The following LTBP1 variants were observed in gnomAD, a reference collection of about 807,000 sequenced individuals.
The protein encoded by LTBP1 is latent-transforming growth factor beta-binding protein 1.
Under a neutral mutation model 207.6 loss-of-function variants are expected in LTBP1, and 129 were observed. That is an observed-to-expected ratio of 0.62 (90% CI 0.54 to 0.72). LTBP1 has a LOEUF of 0.72. Among genes scored for constraint, LTBP1 ranks in the 30% least tolerant of loss-of-function variants. The probability of loss-of-function intolerance (pLI) is 0.00; values close to 1 mark genes in which losing one functional copy is unlikely to be tolerated. For missense variants in LTBP1, 2,281 were observed against 2,217.2 expected (o/e 1.03, Z -0.58); for synonymous variants, 963 against 833.7 (o/e 1.16, Z -2.67).
intron 20 of LTBP1, among the ~76,000 whole-genome samples, chr2:33,298,339 T>C (rs979235550): frequency 1.3e-5 from 2 of 152,220 alleles, no homozygotes; most frequent in Non-Finnish European, 2.9e-5. Context: ...GCAACATAAA[T>C]GAGTCAGTTA....
rs368529428 is a variant in LTBP1, at chr2:33,142,629, GAGGC to G, written c.1201+7672_1201+7675del. 4.0e-3 allele frequency among the ~76,000 whole-genome samples: 602 copies of G among 152,256 alleles called. 4 individuals carry two copies. Among genetic ancestry groups the G allele is most frequent in the South Asian group, 0.035 (170 of 4,818 alleles). On this transcript the variant is annotated intron_variant, in intron 5 of 33. Coordinates refer to ENST00000404816, the MANE Select transcript of LTBP1 (RefSeq NM_206943.4). ...CTTTTGGTTGAAGAGGAAGACAACT[GAGGC>G]AGAGAAGGGCAGTGGGGCGGGGGGC...
chr2:33,169,499 T>G (rs952649051), intron 5 of LTBP1, among the ~76,000 whole-genome samples: 54 of 152,336 alleles, frequency 3.5e-4, no homozygotes, highest in African/African-American at 1.3e-3. Context: ...CCAGATGGAA[T>G]GAGTTGAATA....
chr2:32,984,256 C>T (rs1267969349), intron 2 of LTBP1, among the ~76,000 whole-genome samples: 2 of 152,228 alleles, frequency 1.3e-5, no homozygotes, highest in Non-Finnish European at 2.9e-5. Flanking sequence ...CATTCGACTT[C>T]TGATACTACA....
intron 3 of LTBP1, among the ~76,000 whole-genome samples, chr2:33,079,679 C>G (rs2149847768): frequency 6.6e-6 from 1 of 152,232 alleles, no homozygotes; most frequent in Non-Finnish European, 1.5e-5. Flanking sequence ...GCAGACTTCT[C>G]CCAGTTCTGG....
intron 4 of LTBP1, among the ~76,000 whole-genome samples, chr2:33,123,641 G>A (rs2081273882): frequency 6.6e-6 from 1 of 152,178 alleles, no homozygotes; most frequent in Non-Finnish European, 1.5e-5. Flanking sequence ...ACAAACAGAT[G>A]TGCTGAAGGC....
chr2:33,189,547 A>G (rs543246808), intron 7 of LTBP1, among the ~76,000 whole-genome samples: 12 of 152,316 alleles, frequency 7.9e-5, no homozygotes, highest in African/African-American at 2.9e-4. Flanking sequence ...TTTTTCAGTT[A>G]GGATGATCTG....
chr2:33,252,940 T>A, intron 11 of LTBP1, 96 bp downstream of exon 11: 1 of 923,956 alleles, frequency 1.1e-6, no homozygotes, highest in Non-Finnish European at 1.5e-6. Context: ...TTTCTGACTT[T>A]AATTTTTAAT....
chr2:33,259,120 G>A (rs570873994), intron 12 of LTBP1, among the ~76,000 whole-genome samples: 4 of 152,280 alleles, frequency 2.6e-5, no homozygotes, highest in South Asian at 2.1e-4. Flanking sequence ...CAAGAATGCA[G>A]CACATGCTGT....
chr2:33,254,084 G>A (rs995193574), intron 11 of LTBP1, among the ~76,000 whole-genome samples: 6 of 151,460 alleles, frequency 4.0e-5, no homozygotes, highest in African/African-American at 9.7e-5. Flanking sequence ...TAGTAGAGAC[G>A]GAGTTTGACT....
At chr2:33,047,975 A>G (rs1267281685) in intron 3 of LTBP1, among the ~76,000 whole-genome samples, 1 of 151,990 alleles carries the variant, frequency 6.6e-6, no homozygotes, top group South Asian at 2.1e-4. Context: ...CTTGGTAAAT[A>G]TTCCTCCATC....
intron 24 of LTBP1, among the ~76,000 whole-genome samples, chr2:33,332,407 G>C (rs1308628235): frequency 7.0e-6 from 1 of 142,500 alleles, no homozygotes; most frequent in Non-Finnish European, 1.5e-5. Context: ...AAGAGAGAGA[G>C]AGACAGAGAC....
chr2:33,083,276 TA>T (rs1369857804), intron 3 of LTBP1, among the ~76,000 whole-genome samples: 1 of 151,716 alleles, frequency 6.6e-6, no homozygotes, highest in Non-Finnish European at 1.5e-5. Context: ...TCAATGAACA[TA>T]AGGACCTGTT....
At chr2:33,329,584 G>C (rs920362969) in intron 24 of LTBP1, among the ~76,000 whole-genome samples, 1 of 151,992 alleles carries the variant, frequency 6.6e-6, no homozygotes, top group East Asian at 1.9e-4. Flanking sequence ...AGAAATAGGG[G>C]TCAAGATTTC....
chr2:33,159,469 C>T (rs2084275670), intron 5 of LTBP1, among the ~76,000 whole-genome samples: 1 of 152,166 alleles, frequency 6.6e-6, no homozygotes, highest in Admixed American at 6.5e-5. Flanking sequence ...TTCTGTTCTC[C>T]ATCTCTTCTA....
chr2:33,096,840 G>GT (rs1225734712), intron 3 of LTBP1, among the ~76,000 whole-genome samples: 1 of 152,136 alleles, frequency 6.6e-6, no homozygotes, highest in Non-Finnish European at 1.5e-5. Context: ...GAGGCCAGGA[G>GT]TTCAAGGCCA....
chr2:33,354,711 CACACACACACACACACA>C (rs1376081928), intron 26 of LTBP1, among the ~76,000 whole-genome samples: 2 of 133,760 alleles, frequency 1.5e-5, no homozygotes, highest in Non-Finnish European at 3.5e-5. Context: ...CACACACACA[CACACACACACACACACA>C]CCATTGTATC....
At chr2:33,210,884 A>T (rs904586930) in intron 7 of LTBP1, among the ~76,000 whole-genome samples, 2 of 152,126 alleles carry the variant, frequency 1.3e-5, no homozygotes, top group African/African-American at 4.8e-5. Flanking sequence ...ACACAGTCCT[A>T]CTTACTCTTG....
At chr2:33,387,455 T>C (rs2095276160) in intron 31 of LTBP1, among the ~76,000 whole-genome samples, 1 of 152,208 alleles carries the variant, frequency 6.6e-6, no homozygotes, top group Admixed American at 6.5e-5. Flanking sequence ...CACAGAATGG[T>C]TTCATGCAAA....
intron 19 of LTBP1, among the ~76,000 whole-genome samples, chr2:33,285,374 C>G (rs1285453158): frequency 6.6e-6 from 1 of 151,116 alleles, no homozygotes; most frequent in Non-Finnish European, 1.5e-5. Flanking sequence ...TTCTCTTTGG[C>G]TTTTTGAAGC....
Sources: gnomAD v4.1 joint callset for allele counts (sites outside exome capture counted in the v4.1 genomes callset) on GRCh38, gnomAD v4.1.1 for gene constraint, MANE v1.5 for transcripts, NCBI Gene and HGNC (gene_info 2026-07-23, HGNC 2026-07-21) for gene names.